SIRPD: variants seen among roughly 807,000 people sequenced by gnomAD.
The protein encoded by SIRPD is signal-regulatory protein delta.
SIRPD carries 21 observed loss-of-function variants against 18.0 expected under a neutral mutation model. The ratio of observed to expected loss-of-function variants is 1.17; its 90% confidence interval spans 0.83 to 1.68. SIRPD has a LOEUF of 1.68. Ranked by LOEUF, SIRPD falls within the 40% of genes most tolerant of loss-of-function variation. SIRPD has a pLI of 0.00. For missense variants in SIRPD, 295 were observed against 238.4 expected, an observed-to-expected ratio of 1.24 and a Z score of -1.56; for synonymous variants, 106 against 92.9, an observed-to-expected ratio of 1.14 and a Z score of -0.81.
chr20:1,557,519 A>G, intron 1 of SIRPD, 62 bp downstream of exon 1: 2 of 1,354,518 alleles, frequency 1.5e-6, no homozygotes, highest in Non-Finnish European at 2.0e-6. Context: ...CAGGTGAGGG[A>G]GAGTTCACTA....
chr20:1,552,161 TAAAG>T, intron 1 of SIRPD, 123 bp from the exon 2 acceptor site: 1 of 777,450 alleles, frequency 1.3e-6, no homozygotes, highest in Non-Finnish European at 2.0e-6. Context: ...ATGCATTGAG[TAAAG>T]AGAGGCCTTT....
chr20:1,535,771 TC>T (rs1474285381), intron 3 of SIRPD, among the ~76,000 whole-genome samples: 1 of 152,334 alleles, frequency 6.6e-6, no homozygotes, highest in East Asian at 1.9e-4. Context: ...GAAAATAACC[TC>T]CCTGAGGCTC....
chr20:1,534,678 G>A (rs1284777475), intron 3 of SIRPD, among the ~76,000 whole-genome samples: 2 of 152,248 alleles, frequency 1.3e-5, no homozygotes, highest in South Asian at 2.1e-4. Context: ...CTATGTCCAC[G>A]TGACAAACCC....
At chr20:1,539,774 G>A (rs2123119104) in intron 2 of SIRPD, among the ~76,000 whole-genome samples, 1 of 152,298 alleles carries the variant, frequency 6.6e-6, no homozygotes, top group East Asian at 1.9e-4. Context: ...CATGTTGTGA[G>A]CTGTCCTATG....
At chr20:1,535,542 A>G (rs544558305) in intron 3 of SIRPD, among the ~76,000 whole-genome samples, 1 of 152,254 alleles carries the variant, frequency 6.6e-6, no homozygotes, top group East Asian at 1.9e-4. Flanking sequence ...GTATGCTAGC[A>G]TGCTCAGTCC....
rs1439694869 is a variant in SIRPD at position 1,551,815 on chromosome 20, G to C, written c.297C>G (p.Asp99Glu). The C allele has an allele frequency of 2.5e-6, 4 of 1,614,014 alleles. No homozygotes were observed. Among genetic ancestry groups the C allele is most frequent in the Non-Finnish European group, 3.4e-6 (4 of 1,179,994 alleles). The part of the protein sequence containing the change: ...IGDTTKPGNT[D>E]FSTRIREISL... ...AGATTTCACGGATGCGGGTGGAAAAGTCTGTGTTGCCAGGCTTGGTGGTGT... is the reference window on the plus strand; with the variant it reads ...AGATTTCACGGATGCGGGTGGAAAACTCTGTGTTGCCAGGCTTGGTGGTGT... Residue 99 changes from aspartate to glutamate, a missense_variant, in exon 2 of 4, where the codon GAC becomes GAG. Asp to Glu is a conservative substitution (Grantham distance 45). Transcript: ENST00000381623.
chr20:1,548,415 T>A (rs1165578781), intron 2 of SIRPD, among the ~76,000 whole-genome samples: 1 of 152,192 alleles, frequency 6.6e-6, no homozygotes, highest in Non-Finnish European at 1.5e-5. Context: ...ATTAAATTAA[T>A]TGACATTCAG....
chr20:1,546,539 G>C (rs772661453), intron 2 of SIRPD, among the ~76,000 whole-genome samples: 1 of 152,118 alleles, frequency 6.6e-6, no homozygotes, highest in Non-Finnish European at 1.5e-5. Context: ...TGTGAATGCT[G>C]TTATAAACAT....
chr20:1,548,060 G>A (rs921407131), intron 2 of SIRPD, among the ~76,000 whole-genome samples: 9 of 152,016 alleles, frequency 5.9e-5, no homozygotes, highest in African/African-American at 2.2e-4. Flanking sequence ...TTTCCAATTT[G>A]GATTGTTTTT....
rs1250485077 is a variant in SIRPD at position 1,545,320 on chromosome 20, C to A, written c.421+6371G>T. Among the ~76,000 whole-genome samples the A allele has an allele frequency of 3.3e-5, 5 of 152,100 alleles. No individual in the cohort carries two copies. The East Asian group carries it at 9.6e-4, about 29-fold the overall frequency. On this transcript the variant is annotated intron_variant, in intron 2 of 3. Transcript: ENST00000381623. ...TGGAGGGTTTGTTCATTCTTTTTCA[C>A]TCTTTTTTCTCTAATCTTGTCTTCA...
chr20:1,541,353 C>T (rs562812276), intron 2 of SIRPD, among the ~76,000 whole-genome samples: 33 of 152,350 alleles, frequency 2.2e-4, no homozygotes, highest in African/African-American at 7.7e-4. Flanking sequence ...GATGGTATCT[C>T]ACTGTGGCTT....
At chr20:1,552,127 T>G (rs2091022384) in intron 1 of SIRPD, 89 bp from the exon 2 acceptor site, 1 of 1,090,044 alleles carries the variant, frequency 9.2e-7, no homozygotes, top group Non-Finnish European at 1.3e-6. Flanking sequence ...TCATTAATTC[T>G]TTTAATGACA....
intron 1 of SIRPD, among the ~76,000 whole-genome samples, chr20:1,555,333 G>T (rs1376936212): frequency 1.3e-5 from 2 of 152,202 alleles, no homozygotes; most frequent in East Asian, 3.8e-4. Flanking sequence ...AGGGTCTGGG[G>T]TGGTGGAGAG....
intron 1 of SIRPD, among the ~76,000 whole-genome samples, chr20:1,554,693 G>A (rs2091032366): frequency 6.6e-6 from 1 of 152,076 alleles, no homozygotes; most frequent in Admixed American, 6.6e-5. Flanking sequence ...CCAACATACT[G>A]CATATGGAGT....
chr20:1,536,125 GC>G (rs2090944160), intron 3 of SIRPD, among the ~76,000 whole-genome samples: 1 of 152,206 alleles, frequency 6.6e-6, no homozygotes, highest in African/African-American at 2.4e-5. Flanking sequence ...GCCGGATGCA[GC>G]AGGACTATTT....
chr20:1,547,958 T>C (rs957796356), intron 2 of SIRPD, among the ~76,000 whole-genome samples: 5 of 152,244 alleles, frequency 3.3e-5, no homozygotes, highest in African/African-American at 1.2e-4. Context: ...CTGAACTTGC[T>C]CAGTAGTTTG....
In SIRPD at chr20:1,541,843, A is replaced by C. The variant is rs547875335; in HGVS notation, c.422-4533T>G. ...AGGGGTAAGGAAGGGGTCCAGTTTT[A>C]GTTTTCTGCATATGGCTAGCCAGTT... is the stretch of plus-strand genomic sequence containing the variant. On this transcript the variant is annotated intron_variant, in intron 2 of 3. Transcript: ENST00000381623. Among the ~76,000 whole-genome samples, 168 of 152,272 alleles carry C rather than the reference A, an allele frequency of 1.1e-3. 1 individual carries two copies. The highest frequency in any genetic ancestry group is 3.8e-3 in the African/African-American group (156 of 41,562).
chr20:1,548,934 T>A (rs572024086), intron 2 of SIRPD, among the ~76,000 whole-genome samples: 2 of 152,158 alleles, frequency 1.3e-5, no homozygotes, highest in Non-Finnish European at 2.9e-5. Flanking sequence ...TGTTTTCTCT[T>A]TCTCCTCTCC....
At position 1,554,511 on chromosome 20, in the gene SIRPD, C is replaced by T. The variant is rs191311157; in HGVS notation, c.74-2473G>A. On this transcript the variant is annotated intron_variant, in intron 1 of 3. Transcript: ENST00000381623. ...GGAGAATGACACTTTCCTTCTGCAT[C>T]GGGATATGAGGATGGCCTGCAATAT... is the stretch of plus-strand genomic sequence containing the variant. Among the ~76,000 whole-genome samples, 501 of 152,086 alleles carry T rather than the reference C, an allele frequency of 3.3e-3. 2 individuals carry two copies. Among genetic ancestry groups the T allele is most frequent in the Non-Finnish European group, 3.8e-3 (260 of 68,004 alleles).
Sources: gnomAD v4.1 joint callset for allele counts (sites outside exome capture counted in the v4.1 genomes callset) on GRCh38, gnomAD v4.1.1 for gene constraint, MANE v1.5 for transcripts, NCBI Gene and HGNC (gene_info 2026-07-23, HGNC 2026-07-21) for gene names.